Variants in SMYD3 observed in about 807,000 individuals in gnomAD.
SMYD3 encodes SET and MYND domain containing 3, also known as histone-lysine N-methyltransferase SMYD3.
In SMYD3, 36 loss-of-function variants were observed where a neutral mutation model predicts 57.7. The ratio of observed to expected loss-of-function variants is 0.62; its 90% CI spans 0.48 to 0.82. The LOEUF is 0.82. SMYD3 is among the 40% of genes least tolerant of loss of function. The pLI is 0.00. For synonymous variants in SMYD3, 211 were observed against 195.0 expected, an observed-to-expected ratio of 1.08 and a Z score of -0.68; for missense variants, 515 against 538.8, an observed-to-expected ratio of 0.96 and a Z score of 0.44.
At chr1:245,911,624 T>C (rs2054994869) in intron 8 of SMYD3, among the ~76,000 whole-genome samples, 1 of 152,052 alleles carries the variant, frequency 6.6e-6, no homozygotes, top group African/African-American at 2.4e-5. Flanking sequence ...TGATGTGAAA[T>C]ATGCCAGGCA....
chr1:246,420,884 C>A (rs2067133781), intron 1 of SMYD3, among the ~76,000 whole-genome samples: 2 of 152,164 alleles, frequency 1.3e-5, no homozygotes, highest in Non-Finnish European at 2.9e-5. Flanking sequence ...ATGAACTTTA[C>A]CTTTTTCTTT....
chr1:246,313,646 T>C (rs1359978222), intron 5 of SMYD3, among the ~76,000 whole-genome samples: 3 of 152,232 alleles, frequency 2.0e-5, no homozygotes, highest in Non-Finnish European at 4.4e-5. Context: ...GTAGCTCTAA[T>C]GCTTTTCTTT....
intron 5 of SMYD3, among the ~76,000 whole-genome samples, chr1:245,982,358 T>G (rs2058615452): frequency 6.6e-6 from 1 of 152,116 alleles, no homozygotes; most frequent in Non-Finnish European, 1.5e-5. Context: ...AACTCCTGGG[T>G]TCAAACAAGT....
chr1:246,096,867 C>G (rs148905923), intron 5 of SMYD3, among the ~76,000 whole-genome samples: 70 of 152,318 alleles, frequency 4.6e-4, no homozygotes, highest in Non-Finnish European at 9.0e-4. Flanking sequence ...ACCAAATGAT[C>G]TGTCCATCTT....
In SMYD3 at chr1:246,011,343, A is replaced by G. The variant is rs139969071; in HGVS notation, c.532-81406T>C. On this transcript the variant is annotated intron_variant, in intron 5 of 11. Coordinates refer to ENST00000490107, the MANE Select transcript of SMYD3 (RefSeq NM_001167740.2). ...TGACTTTCTGGAATTTTAAATACCA[A>G]TATAGGAATCATCAGCTGGTGTCAA... 1.5e-3 allele frequency among the ~76,000 whole-genome samples: 232 copies of G among 152,312 alleles called. 1 individual carries two copies. The highest frequency in any genetic ancestry group is 5.4e-3 in the African/African-American group (224 of 41,566).
intron 7 of SMYD3, among the ~76,000 whole-genome samples, chr1:245,921,100 C>T (rs2055891198): frequency 6.6e-6 from 1 of 151,966 alleles, no homozygotes; most frequent in African/African-American, 2.4e-5. Context: ...AGCAAATAAC[C>T]CAAGTAAAAA....
intron 10 of SMYD3, among the ~76,000 whole-genome samples, chr1:245,827,062 A>C (rs1172706199): frequency 6.6e-6 from 1 of 152,120 alleles, no homozygotes; most frequent in Non-Finnish European, 1.5e-5. Flanking sequence ...CACCGCTGCT[A>C]CCTGTTGAGC....
At chr1:246,062,817 C>T (rs1443687415) in intron 5 of SMYD3, among the ~76,000 whole-genome samples, 2 of 151,764 alleles carry the variant, frequency 1.3e-5, no homozygotes, top group African/African-American at 2.4e-5. Context: ...AATTAATGAG[C>T]GAAGGTATGT....
intron 5 of SMYD3, among the ~76,000 whole-genome samples, chr1:246,142,029 C>T (rs1450979001): frequency 6.6e-6 from 1 of 152,320 alleles, no homozygotes; most frequent in Non-Finnish European, 1.5e-5. Flanking sequence ...TCAGGCATCA[C>T]CGGCCTTGAA....
intron 5 of SMYD3, among the ~76,000 whole-genome samples, chr1:246,104,154 C>T (rs1314035987): frequency 6.6e-6 from 1 of 152,156 alleles, no homozygotes; most frequent in Non-Finnish European, 1.5e-5. Context: ...TGAGATAAGG[C>T]AAGAACAAGT....
chr1:246,135,669 CAATGTATACATATTATATATGCAT>C (rs1416508911), intron 5 of SMYD3, among the ~76,000 whole-genome samples: 5 of 151,996 alleles, frequency 3.3e-5, no homozygotes, highest in Non-Finnish European at 7.4e-5. Context: ...TGTATGTATA[CAATGTATACATATTATATATGCAT>C]AATGTATACA....
intron 5 of SMYD3, among the ~76,000 whole-genome samples, chr1:245,959,878 A>G (rs760050394): frequency 3.9e-5 from 6 of 152,110 alleles, no homozygotes; most frequent in African/African-American, 9.7e-5. Flanking sequence ...TCCCAGGCTC[A>G]AGTGATTTTC....
chr1:246,472,856 T>TC (rs976834161), intron 1 of SMYD3, among the ~76,000 whole-genome samples: 2 of 131,004 alleles, frequency 1.5e-5, no homozygotes, highest in East Asian at 4.3e-4. Flanking sequence ...CAAATTTCTT[T>TC]TTTTTTTTTT....
chr1:246,255,582 ATGT>A (rs1359490290), intron 5 of SMYD3, among the ~76,000 whole-genome samples: 1 of 151,956 alleles, frequency 6.6e-6, no homozygotes, highest in Non-Finnish European at 1.5e-5. Context: ...GTTTACTAGC[ATGT>A]TGTTGTAGAT....
chr1:245,844,846 C>T (rs575946764), intron 10 of SMYD3, among the ~76,000 whole-genome samples: 12 of 142,446 alleles, frequency 8.4e-5, no homozygotes, highest in Non-Finnish European at 1.8e-4. Context: ...GACAGACTGC[C>T]TCTGTGGTCA....
At chr1:245,751,120 T>C (rs1485867606) in intron 11 of SMYD3, among the ~76,000 whole-genome samples, 5 of 152,248 alleles carry the variant, frequency 3.3e-5, no homozygotes, top group African/African-American at 1.2e-4. Flanking sequence ...ATGAATGCCA[T>C]CATGCTTATA....
intron 5 of SMYD3, among the ~76,000 whole-genome samples, chr1:246,181,770 C>T (rs1166139398): frequency 6.6e-6 from 1 of 152,196 alleles, no homozygotes; most frequent in East Asian, 1.9e-4. Flanking sequence ...ACTTCTACAA[C>T]CCGTGTGCCA....
chr1:246,119,557 C>T (rs1415503506), intron 5 of SMYD3, among the ~76,000 whole-genome samples: 1 of 152,048 alleles, frequency 6.6e-6, no homozygotes, highest in Non-Finnish European at 1.5e-5. Flanking sequence ...AGACTACAGG[C>T]ATATGCCACC....
intron 5 of SMYD3, among the ~76,000 whole-genome samples, chr1:246,180,367 T>C (rs1186498479): frequency 3.4e-5 from 5 of 147,344 alleles, no homozygotes; most frequent in African/African-American, 7.4e-5. Context: ...TATAAGTATA[T>C]ATATAAACTA....
Sources: allele counts gnomAD v4.1 joint callset (sites outside exome capture counted in the v4.1 genomes callset), GRCh38; gene constraint gnomAD v4.1.1; transcripts MANE v1.5; gene names NCBI Gene and HGNC (gene_info 2026-07-23, HGNC 2026-07-21).